CSMD1: variants seen among roughly 807,000 people sequenced by gnomAD.
CSMD1 encodes CUB and sushi domain-containing protein 1.
Under a neutral mutation model 417.5 loss-of-function variants are expected in CSMD1, and 213 were observed. That is an observed-to-expected ratio of 0.51 (90% CI 0.46 to 0.57). CSMD1 has a LOEUF of 0.57. CSMD1 is among the 20% of genes least tolerant of loss of function. The pLI, the probability that CSMD1 is intolerant of heterozygous loss-of-function variation, is 0.00. For missense variants in CSMD1, 6,923 were observed against 4,529.7 expected, an observed-to-expected ratio of 1.53 and a Z score of -15.17; for synonymous variants, 2,862 against 1,736.8, an observed-to-expected ratio of 1.65 and a Z score of -16.11.
intron 4 of CSMD1, among the ~76,000 whole-genome samples, chr8:4,001,614 T>C (rs2130366581): frequency 6.6e-6 from 1 of 152,292 alleles, no homozygotes. Flanking sequence ...GTTATGCCCC[T>C]GTCTAATATT....
chr8:3,566,367 G>C (rs889388908), intron 10 of CSMD1, among the ~76,000 whole-genome samples: 1 of 152,110 alleles, frequency 6.6e-6, no homozygotes, highest in Non-Finnish European at 1.5e-5. Flanking sequence ...AAGGTGGATA[G>C]AGTTAATACA....
chr8:4,113,783 C>G (rs550399855), intron 3 of CSMD1, among the ~76,000 whole-genome samples: 5 of 152,298 alleles, frequency 3.3e-5, no homozygotes, highest in South Asian at 2.1e-4. Context: ...TTCAAGTTAT[C>G]TGCATAAAAC....
Position 3,926,079 on chromosome 8 carries a change from CCATA to C in CSMD1, c.818+71820_818+71823del, listed in dbSNP as rs1337209994. ...ACACACACACACACACACACAAACA[CCATA>C]CACACACACACACACACACACACAC... On this transcript the variant is annotated intron_variant, in intron 5 of 69. Coordinates refer to ENST00000635120, the MANE Select transcript of CSMD1 (RefSeq NM_033225.6). Among the ~76,000 whole-genome samples the C allele has an allele frequency of 5.3e-4, 43 of 81,420 alleles. 2 individuals carry two copies. Among genetic ancestry groups the C allele is most frequent in the Admixed American group, 4.4e-3 (30 of 6,840 alleles). The allele number at this position is 81,420 out of a possible 152,430, so 53.4% of individuals were successfully genotyped here. A position where few individuals can be genotyped will look rare whatever the true frequency, so the allele number is the denominator to read the frequency against.
At chr8:4,063,362 G>T (rs1799079825) in intron 3 of CSMD1, among the ~76,000 whole-genome samples, 1 of 152,148 alleles carries the variant, frequency 6.6e-6, no homozygotes, top group Non-Finnish European at 1.5e-5. Context: ...AAATGTGTAT[G>T]AAAAATTTAA....
chr8:4,845,167 G>A (rs752542487), intron 1 of CSMD1, among the ~76,000 whole-genome samples: 1 of 152,104 alleles, frequency 6.6e-6, no homozygotes, highest in Non-Finnish European at 1.5e-5. Flanking sequence ...CACCTCTTAT[G>A]AGAAGTAGAG....
intron 46 of CSMD1, among the ~76,000 whole-genome samples, chr8:3,103,687 G>A (rs977078848): frequency 1.3e-4 from 20 of 151,402 alleles, no homozygotes; most frequent in African/African-American, 4.4e-4. Flanking sequence ...TGAATTAAAC[G>A]TCATTTAAAT....
intron 26 of CSMD1, among the ~76,000 whole-genome samples, chr8:3,237,254 T>C (rs1439659787): frequency 7.5e-6 from 1 of 132,870 alleles, no homozygotes; most frequent in African/African-American, 2.8e-5. Flanking sequence ...GATCAAAAGG[T>C]CAGCAGTTCG....
At chr8:3,100,354 G>T (rs75833008) in intron 46 of CSMD1, among the ~76,000 whole-genome samples, 2,345 of 152,304 alleles carry the variant, frequency 0.015, 31 homozygotes, top group Middle Eastern at 0.037. Context: ...GTTTACCCAT[G>T]AGCGAAAGTG....
At chr8:4,772,399 T>A (rs150328095) in intron 1 of CSMD1, among the ~76,000 whole-genome samples, 10 of 152,272 alleles carry the variant, frequency 6.6e-5, no homozygotes, top group Non-Finnish European at 1.2e-4. Flanking sequence ...TTAGGTTGGG[T>A]CCACCCTGAT....
At chr8:4,205,392 G>T (rs1182744169) in intron 3 of CSMD1, among the ~76,000 whole-genome samples, 1 of 152,114 alleles carries the variant, frequency 6.6e-6, no homozygotes, top group Non-Finnish European at 1.5e-5. Flanking sequence ...TTTTAGCCTT[G>T]GCATGTGCCT....
chr8:3,039,957 C>G (rs952977918), intron 50 of CSMD1, among the ~76,000 whole-genome samples: 1 of 152,168 alleles, frequency 6.6e-6, no homozygotes, highest in East Asian at 1.9e-4. Context: ...ACGGAATTCT[C>G]TTAAAAGAAG....
At chr8:3,466,205 CT>C (rs200817990) in intron 12 of CSMD1, among the ~76,000 whole-genome samples, 2,716 of 146,098 alleles carry the variant, frequency 0.019, 83 homozygotes, top group African/African-American at 0.062. Flanking sequence ...ATTACTAGGA[CT>C]TTTTTTTTTA....
rs368539629 is a variant in CSMD1 at position 4,284,713 on chromosome 8, C to T, written c.415+135240G>A. 1.1e-4 allele frequency among the ~76,000 whole-genome samples: 16 copies of T among 152,226 alleles called. No homozygotes were observed. In the South Asian group the frequency reaches 1.2e-3, roughly 12 times the overall value. On this transcript the variant is annotated intron_variant, in intron 3 of 69. Coordinates refer to ENST00000635120, the MANE Select transcript of CSMD1 (RefSeq NM_033225.6). ...TAAAACACTAAAATTTGGATTTCTACGACTCCCAGGAGGGTAACTCCATGT... is the reference window on the plus strand; with the variant it reads ...TAAAACACTAAAATTTGGATTTCTATGACTCCCAGGAGGGTAACTCCATGT...
intron 3 of CSMD1, among the ~76,000 whole-genome samples, chr8:4,108,431 G>A (rs953054875): frequency 2.6e-5 from 4 of 152,148 alleles, no homozygotes; most frequent in Non-Finnish European, 4.4e-5. Context: ...CTGCCATGTT[G>A]TTCATCATTT....
intron 2 of CSMD1, among the ~76,000 whole-genome samples, chr8:4,451,514 C>G (rs1006582): frequency 0.22 from 32,932 of 152,016 alleles, 4,181 homozygotes; most frequent in African/African-American, 0.35. Context: ...GTTTTCTTAT[C>G]ACAAAAATTC....
intron 8 of CSMD1, among the ~76,000 whole-genome samples, chr8:3,605,254 T>C (rs1214358170): frequency 2.6e-5 from 4 of 152,158 alleles, no homozygotes; most frequent in Non-Finnish European, 4.4e-5. Context: ...CCTCCCACAG[T>C]GCTGGGTTTA....
chr8:4,364,058 T>C lies in CSMD1; in HGVS notation c.415+55895A>G, dbSNP rs1017163464. Among the ~76,000 whole-genome samples, 3 of 152,240 alleles carry C rather than the reference T, an allele frequency of 2.0e-5. No homozygotes were observed. In the East Asian group the frequency reaches 5.8e-4, roughly 29 times the overall value. Reference sequence around the variant, plus strand: ...TAACTAAGACTATAATTGAATTGTCTGTAACAGAAAAGTTAAGTGCTTGAG... The same window carrying C: ...TAACTAAGACTATAATTGAATTGTCCGTAACAGAAAAGTTAAGTGCTTGAG... On this transcript the variant is annotated intron_variant, in intron 3 of 69. Transcript: ENST00000635120.
At chr8:4,640,820 A>T (rs1273521482) in intron 1 of CSMD1, among the ~76,000 whole-genome samples, 1 of 151,282 alleles carries the variant, frequency 6.6e-6, no homozygotes, top group Non-Finnish European at 1.5e-5. Context: ...TTTAGTTAAA[A>T]TTAAGATGTT....
At position 3,533,599 on chromosome 8, in the gene CSMD1, C is replaced by G. The variant is rs566478500; in HGVS notation, c.1345-39873G>C. ...TGTTGAATGAGAATCTCAGGGAAGCCCTTGCTTCCCTGAATCCACTCATCT... is the reference window on the plus strand; with the variant it reads ...TGTTGAATGAGAATCTCAGGGAAGCGCTTGCTTCCCTGAATCCACTCATCT... On this transcript the variant is annotated intron_variant, in intron 10 of 69. Transcript: ENST00000635120. Among the ~76,000 whole-genome samples, 22 of 152,188 alleles carry G rather than the reference C, an allele frequency of 1.4e-4. No homozygotes were observed. The East Asian group carries it at 3.7e-3, about 25-fold the overall frequency.
Sources: gnomAD v4.1 joint callset for allele counts (sites outside exome capture counted in the v4.1 genomes callset) on GRCh38, gnomAD v4.1.1 for gene constraint, MANE v1.5 for transcripts, NCBI Gene and HGNC (gene_info 2026-07-23, HGNC 2026-07-21) for gene names.